The following ZNF407 variants were observed in gnomAD, a reference collection of about 807,000 sequenced individuals.
ZNF407 encodes zinc finger protein 407.
A neutral mutation model predicts 131.2 loss-of-function variants in ZNF407; 17 were observed. The observed-to-expected ratio is 0.13, with a 90% CI of 0.09 to 0.19. The LOEUF (loss-of-function observed/expected upper bound fraction) is 0.19. ZNF407 is among the 10% of genes least tolerant of loss of function. ZNF407 has a pLI of 1.00. For missense variants in ZNF407, 2,681 were observed against 2,830.6 expected (o/e 0.95, Z 1.20); for synonymous variants, 1,156 against 1,062.0 (o/e 1.09, Z -1.72).
At chr18:74,929,545 A>G (rs1941289469) in intron 8 of ZNF407, among the ~76,000 whole-genome samples, 1 of 152,138 alleles carries the variant, frequency 6.6e-6, no homozygotes, top group Non-Finnish European at 1.5e-5. Flanking sequence ...TTTTATATAG[A>G]CTTTTTATCA....
intron 3 of ZNF407, among the ~76,000 whole-genome samples, chr18:74,658,406 G>A (rs1346195459): frequency 6.6e-6 from 1 of 152,064 alleles, no homozygotes; most frequent in Non-Finnish European, 1.5e-5. Flanking sequence ...GTGTGCCACC[G>A]CGCCTGGCCT....
chr18:74,954,986 G>T (rs867954566), intron 8 of ZNF407, among the ~76,000 whole-genome samples: 1 of 152,242 alleles, frequency 6.6e-6, no homozygotes, highest in South Asian at 2.1e-4. Context: ...CAAGCCAGTC[G>T]TGCAGTCTAC....
chr18:74,750,120 C>T (rs1473764610), intron 3 of ZNF407, among the ~76,000 whole-genome samples: 1 of 152,150 alleles, frequency 6.6e-6, no homozygotes, highest in Non-Finnish European at 1.5e-5. Flanking sequence ...CTTTTCTTCT[C>T]TTCCAGGAAT....
intron 7 of ZNF407, among the ~76,000 whole-genome samples, chr18:74,914,432 C>T (rs1057071563): frequency 6.6e-6 from 1 of 152,180 alleles, no homozygotes; most frequent in African/African-American, 2.4e-5. Flanking sequence ...CTCACCTTTC[C>T]CCTCCGTCAC....
rs916127567 is a variant in ZNF407, at chr18:74,631,523, C to G, written c.504C>G (p.Phe168Leu). Residue 168 changes from phenylalanine to leucine, a missense_variant, in exon 2 of 9, where the codon TTC (phenylalanine) becomes TTG (leucine). Physicochemically the swap from Phe to Leu is conservative, Grantham distance 22 (BLOSUM62 0). This residue lies in a region of ZNF407 where 1,789 missense variants were observed against 1,748.7 expected (regional missense o/e 1.02). Coordinates refer to ENST00000299687, the MANE Select transcript of ZNF407 (RefSeq NM_017757.3). ...TTGATCTGGAAAGAGAATCTCCTTTCCCCCCGAAAGAAATTAGTGTTAGTT... is the reference window on the plus strand; with the variant it reads ...TTGATCTGGAAAGAGAATCTCCTTTGCCCCCGAAAGAAATTAGTGTTAGTT... Reference protein sequence around the residue: ...VSLDLERESPFPPKEISVSCT... With the variant: ...VSLDLERESPLPPKEISVSCT... The G allele has an allele frequency of 6.2e-7, 1 of 1,613,640 alleles. No individual in the cohort carries two copies. Among genetic ancestry groups the G allele is most frequent in the African/African-American group, 1.3e-5 (1 of 74,894 alleles).
chr18:74,919,116 T>C (rs1444864306), intron 7 of ZNF407, among the ~76,000 whole-genome samples: 1 of 152,198 alleles, frequency 6.6e-6, no homozygotes, highest in Non-Finnish European at 1.5e-5. Context: ...ATACCTTTCC[T>C]AGTGCCATTT....
intron 8 of ZNF407, among the ~76,000 whole-genome samples, chr18:75,004,769 C>T (rs948557262): frequency 2.0e-5 from 3 of 152,204 alleles, no homozygotes; most frequent in Non-Finnish European, 4.4e-5. Flanking sequence ...CATTTTTCAA[C>T]CCTGTGTTTC....
At chr18:74,950,539 A>T (rs1972201886) in intron 8 of ZNF407, among the ~76,000 whole-genome samples, 1 of 152,164 alleles carries the variant, frequency 6.6e-6, no homozygotes. Flanking sequence ...TTTGATGCTG[A>T]TTTCCTCTTA....
intron 3 of ZNF407, among the ~76,000 whole-genome samples, chr18:74,726,961 G>A (rs17055470): frequency 0.016 from 2,502 of 152,182 alleles, 76 homozygotes; most frequent in African/African-American, 0.058. Context: ...CTGTGGACAA[G>A]TATAGGGCTT....
rs912083880 is a variant in ZNF407 at position 74,786,216 on chromosome 18, A to G, written c.4877+4714A>G. 1.1e-4 allele frequency among the ~76,000 whole-genome samples: 17 copies of G among 152,316 alleles called. 1 individual carries two copies. Among genetic ancestry groups the G allele is most frequent in the East Asian group, 3.9e-4 (2 of 5,190 alleles). On this transcript the variant is annotated intron_variant, in intron 4 of 8. Transcript: ENST00000299687. ...ATTAAAGGGAAAACAGTTTTCCTCT[A>G]TTCCTCCATAGTGAGTTTCTATAAG...
At chr18:74,902,301 G>T (rs542344754) in intron 7 of ZNF407, among the ~76,000 whole-genome samples, 6 of 152,158 alleles carry the variant, frequency 3.9e-5, no homozygotes, top group Non-Finnish European at 5.9e-5. Flanking sequence ...TACAACCTGC[G>T]CACAGCAGTT....
intron 8 of ZNF407, among the ~76,000 whole-genome samples, chr18:74,925,575 T>G (rs2145248564): frequency 6.6e-6 from 1 of 152,364 alleles, no homozygotes; most frequent in African/African-American, 2.4e-5. Context: ...TAGAATAGAA[T>G]GCAGTCTTCT....
chr18:74,607,652 A>G (rs998115589), intron 1 of ZNF407, among the ~76,000 whole-genome samples: 13 of 152,190 alleles, frequency 8.5e-5, no homozygotes, highest in African/African-American at 2.9e-4. Context: ...ATTGATTGCT[A>G]GAGTGTATAG....
intron 6 of ZNF407, among the ~76,000 whole-genome samples, chr18:74,889,424 T>C (rs1971355129): frequency 6.6e-6 from 1 of 152,230 alleles, no homozygotes; most frequent in South Asian, 2.1e-4. Context: ...ATACAGTATA[T>C]TTTTTGTTGC....
chr18:74,868,111 T>G lies in ZNF407; in HGVS notation c.4878-9086T>G, dbSNP rs899704380. 5.3e-5 allele frequency among the ~76,000 whole-genome samples: 8 copies of G among 152,324 alleles called. No homozygotes were observed. In the South Asian group the frequency reaches 1.7e-3, roughly 32 times the overall value. ...AAAATAATGTCATCTTAAAAGTTAT[T>G]AAAACATTTTCCATTGACATGCAAA... On this transcript the variant is annotated intron_variant, in intron 4 of 8. Coordinates refer to ENST00000299687, the MANE Select transcript of ZNF407 (RefSeq NM_017757.3).
intron 3 of ZNF407, among the ~76,000 whole-genome samples, chr18:74,662,388 C>T (rs1985753849): frequency 6.6e-6 from 1 of 152,140 alleles, no homozygotes; most frequent in Admixed American, 6.5e-5. Context: ...CACTTACATT[C>T]ATGAAATCTT....
intron 8 of ZNF407, among the ~76,000 whole-genome samples, chr18:74,971,112 C>T (rs1972467517): frequency 1.3e-5 from 2 of 152,196 alleles, no homozygotes; most frequent in African/African-American, 4.8e-5. Context: ...GGACACAGGG[C>T]ACCAAGTCCC....
chr18:74,785,654 T>G (rs1969688923), intron 4 of ZNF407, among the ~76,000 whole-genome samples: 1 of 152,236 alleles, frequency 6.6e-6, no homozygotes, highest in Non-Finnish European at 1.5e-5. Flanking sequence ...CATTGCTATT[T>G]TTCAAGTTTA....
At chr18:74,683,887 A>G (rs990261733) in intron 3 of ZNF407, among the ~76,000 whole-genome samples, 1 of 152,326 alleles carries the variant, frequency 6.6e-6, no homozygotes. Flanking sequence ...TCTTTTCCAG[A>G]GGTTTAAGAT....
Sources: allele counts gnomAD v4.1 joint callset (sites outside exome capture counted in the v4.1 genomes callset), GRCh38; gene constraint gnomAD v4.1.1; regional missense constraint gnomAD v4.1.1; transcripts MANE v1.5; gene names NCBI Gene and HGNC (gene_info 2026-07-23, HGNC 2026-07-21).